PLA2G2C: variants seen among roughly 807,000 people sequenced by gnomAD.
The protein encoded by PLA2G2C is putative inactive group IIC secretory phospholipase A2.
A neutral mutation model predicts 14.3 loss-of-function variants in PLA2G2C; 15 were observed. The observed-to-expected ratio is 1.05, with a 90% CI of 0.70 to 1.62. PLA2G2C has a LOEUF of 1.62. PLA2G2C is among the 40% of genes most tolerant of loss of function. The pLI is 0.00. For synonymous variants in PLA2G2C, 79 were observed against 67.7 expected, an observed-to-expected ratio of 1.17 and a Z score of -0.82; for missense variants, 162 against 173.2, an observed-to-expected ratio of 0.94 and a Z score of 0.36.
At position 20,178,884 on chromosome 1, in the gene PLA2G2C, T is replaced by A. The variant is rs146690389; in HGVS notation, c.-76-1445A>T. 3.2e-4 allele frequency among the ~76,000 whole-genome samples: 48 copies of A among 152,358 alleles called. 1 individual carries two copies. Among genetic ancestry groups the A allele is most frequent in the African/African-American group, 1.1e-3 (46 of 41,582 alleles). ...TATAGCCCCAAAGCCCCATGTGGGC[T>A]GCAATTCTGTTTGGTTCTCCATTAG... On this transcript the variant is annotated intron_variant, in intron 1 of 4. Coordinates refer to ENST00000679259, the MANE Select transcript of PLA2G2C (RefSeq NM_001367969.2).
chr1:20,166,203 T>C (rs1246299957), intron 4 of PLA2G2C, among the ~76,000 whole-genome samples: 1 of 152,224 alleles, frequency 6.6e-6, no homozygotes, highest in Non-Finnish European at 1.5e-5. Context: ...GCAGTCAGTC[T>C]GTTTGCCACT....
chr1:20,175,565 T>C (rs1478876765), intron 2 of PLA2G2C, among the ~76,000 whole-genome samples: 1 of 152,144 alleles, frequency 6.6e-6, no homozygotes, highest in East Asian at 1.9e-4. Context: ...ACAAAATACT[T>C]AAGAGGCAGG....
In PLA2G2C at chr1:20,164,147, G is replaced by T. The variant is rs753830891; in HGVS notation, c.294C>A (p.Thr98=). ...AGTGGCAGCTGGCACCAGGACCAAG[G>T]GTGCATCCACCTACAGAGACACAGA... is the stretch of plus-strand genomic sequence containing the variant. ...IVNGAVVCGC[T]LGPGASCHCR... Residue 98 remains threonine, a synonymous_variant, in exon 5 of 5, where the codon ACC becomes ACA. Coordinates refer to ENST00000679259, the MANE Select transcript of PLA2G2C (RefSeq NM_001367969.2). 4.3e-6 allele frequency: 7 copies of T among 1,612,932 alleles called. No individual in the cohort carries two copies. Among genetic ancestry groups the T allele is most frequent in the South Asian group, 1.1e-5 (1 of 90,972 alleles).
At chr1:20,169,240 G>A (rs576803424) in intron 4 of PLA2G2C, among the ~76,000 whole-genome samples, 85 of 152,246 alleles carry the variant, frequency 5.6e-4, no homozygotes, top group African/African-American at 1.1e-3. Context: ...GTGCAGTGGT[G>A]CAATCACAGC....
chr1:20,172,171 G>A (rs4457551), intron 4 of PLA2G2C, among the ~76,000 whole-genome samples: 31,764 of 152,030 alleles, frequency 0.21, 3,580 homozygotes, highest in South Asian at 0.37. Context: ...ACTGTCCCGT[G>A]CCTCCAAATG....
intron 2 of PLA2G2C, among the ~76,000 whole-genome samples, chr1:20,176,189 G>A (rs1257392542): frequency 6.6e-6 from 1 of 152,088 alleles, no homozygotes; most frequent in Non-Finnish European, 1.5e-5. Flanking sequence ...AAAGTGCTGG[G>A]ATTATAGTCA....
chr1:20,183,917 T>C (rs2018318044), intron 1 of PLA2G2C, among the ~76,000 whole-genome samples: 1 of 152,152 alleles, frequency 6.6e-6, no homozygotes, highest in Admixed American at 6.5e-5. Flanking sequence ...CTGCCCATGT[T>C]TACTGAGATC....
chr1:20,165,822 T>C (rs997627665), intron 4 of PLA2G2C, among the ~76,000 whole-genome samples: 1 of 152,138 alleles, frequency 6.6e-6, no homozygotes, highest in Non-Finnish European at 1.5e-5. Context: ...TGTGTGTGTG[T>C]GTGCGCGCGC....
rs541357924 is a variant in PLA2G2C, at chr1:20,170,703, G to A, written c.283+2091C>T. 1.5e-4 allele frequency among the ~76,000 whole-genome samples: 21 copies of A among 143,318 alleles called. 2 individuals carry two copies. Among genetic ancestry groups the A allele is most frequent in the South Asian group, 2.5e-4 (1 of 3,936 alleles). 94.0% of individuals were successfully genotyped at this position (143,318 alleles called of 152,430 possible). A position where few individuals can be genotyped will look rare whatever the true frequency, so the allele number is the denominator to read the frequency against. On this transcript the variant is annotated intron_variant, in intron 4 of 4. Coordinates refer to ENST00000679259, the MANE Select transcript of PLA2G2C (RefSeq NM_001367969.2). ...CACGGGCTGGGTCAGCTGAGGAGGC[G>A]GGTGCTGATGCCCTGGTACTGATGC...
Position 20,177,782 on chromosome 1 carries a change from A to G in PLA2G2C, c.-76-343T>C, listed in dbSNP as rs543187017. On this transcript the variant is annotated intron_variant, in intron 1 of 4. Transcript: ENST00000679259. The stretch of plus-strand genomic sequence containing the variant: ...ATGTTGTTCATAATAGAAATCCCAC[A>G]CAGGAATTCCTAGCTTGGTTTGCAT... Among the ~76,000 whole-genome samples the G allele has an allele frequency of 3.9e-5, 6 of 152,192 alleles. No individual in the cohort carries two copies. The East Asian group carries it at 1.2e-3, about 29-fold the overall frequency.
intron 1 of PLA2G2C, among the ~76,000 whole-genome samples, chr1:20,180,496 G>A (rs1020298655): frequency 8.5e-5 from 13 of 152,214 alleles, no homozygotes; most frequent in Non-Finnish European, 1.5e-4. Flanking sequence ...CTCAGAGAGC[G>A]GAAGTAACCT....
At chr1:20,164,502 C>A (rs2017939972) in intron 4 of PLA2G2C, among the ~76,000 whole-genome samples, 1 of 152,168 alleles carries the variant, frequency 6.6e-6, no homozygotes, top group African/African-American at 2.4e-5. Context: ...CTGGGCATCC[C>A]ACGAGTGCTG....
At chr1:20,178,486 C>T (rs2018225246) in intron 1 of PLA2G2C, among the ~76,000 whole-genome samples, 1 of 152,188 alleles carries the variant, frequency 6.6e-6, no homozygotes, top group Non-Finnish European at 1.5e-5. Flanking sequence ...CTATCTTCCC[C>T]CTTTGGCAAC....
intron 1 of PLA2G2C, among the ~76,000 whole-genome samples, chr1:20,182,711 C>A (rs1557790701): frequency 6.6e-6 from 1 of 152,240 alleles, no homozygotes; most frequent in Non-Finnish European, 1.5e-5. Context: ...ACCTGGTTCA[C>A]CTTCTGCTTA....
chr1:20,178,271 T>A (rs1281780892), intron 1 of PLA2G2C, among the ~76,000 whole-genome samples: 1 of 152,192 alleles, frequency 6.6e-6, no homozygotes, highest in Non-Finnish European at 1.5e-5. Context: ...TACATACAAG[T>A]GGTCTTTATA....
intron 3 of PLA2G2C, among the ~76,000 whole-genome samples, chr1:20,174,146 C>A (rs1464131727): frequency 3.9e-5 from 6 of 152,184 alleles, no homozygotes; most frequent in African/African-American, 1.4e-4. Context: ...GTTGCCCTTC[C>A]AAGGCTCTGA....
At chr1:20,185,845 T>C (rs2018365164) in intron 1 of PLA2G2C, among the ~76,000 whole-genome samples, 1 of 151,736 alleles carries the variant, frequency 6.6e-6, no homozygotes, top group Non-Finnish European at 1.5e-5. Context: ...TCCCAGACAC[T>C]CTCCCCCAGA....
intron 4 of PLA2G2C, among the ~76,000 whole-genome samples, chr1:20,171,306 A>G (rs547315766): frequency 1.3e-5 from 2 of 152,322 alleles, no homozygotes; most frequent in South Asian, 4.1e-4. Context: ...AGAGAGCTCC[A>G]ACTCAGGAAG....
chr1:20,183,405 G>A (rs1290676683), intron 1 of PLA2G2C, among the ~76,000 whole-genome samples: 1 of 152,222 alleles, frequency 6.6e-6, no homozygotes, highest in Non-Finnish European at 1.5e-5. Context: ...GAGCTTGGGG[G>A]TGGGACTCTG....
Sources: gnomAD v4.1 joint callset for allele counts (sites outside exome capture counted in the v4.1 genomes callset) on GRCh38, gnomAD v4.1.1 for gene constraint, MANE v1.5 for transcripts, NCBI Gene and HGNC (gene_info 2026-07-23, HGNC 2026-07-21) for gene names.